ITGAM: variants seen among roughly 807,000 people sequenced by gnomAD.
ITGAM encodes the protein integrin subunit alpha M.
In ITGAM, 79 loss-of-function variants were observed where a neutral mutation model predicts 137.5. The observed-to-expected ratio is 0.57, with a 90% CI of 0.48 to 0.69. ITGAM has a LOEUF of 0.69. ITGAM is among the 30% of genes least tolerant of loss of function. The pLI is 0.00. For missense variants in ITGAM, 1,343 were observed against 1,483.5 expected, an observed-to-expected ratio of 0.91 and a Z score of 1.56; for synonymous variants, 583 against 592.3, an observed-to-expected ratio of 0.98 and a Z score of 0.23.
chr16:31,321,455 TC>T lies in ITGAM; in HGVS notation c.1839-6del, dbSNP rs1377167880. 6.2e-7 allele frequency: 1 copy of T among 1,613,870 alleles called. No individual in the cohort carries two copies. The highest frequency in any genetic ancestry group is 8.5e-7 in the Non-Finnish European group (1 of 1,179,842). ...GAAGGTCCCTGATGGTTTTCTGGTGTCCCTTTAGGTCCCAGCCAGTACTGAG... is the reference window on the plus strand; with the variant it reads ...GAAGGTCCCTGATGGTTTTCTGGTGTCCTTTAGGTCCCAGCCAGTACTGAG... On this transcript the variant is annotated splice_polypyrimidine_tract_variant and splice_region_variant and intron_variant, in intron 15 of 29. Coordinates refer to ENST00000544665, the MANE Select transcript of ITGAM (RefSeq NM_000632.4).
intron 12 of ITGAM, among the ~76,000 whole-genome samples, chr16:31,287,806 C>A (rs2080044495): frequency 6.6e-6 from 1 of 151,610 alleles, no homozygotes; most frequent in African/African-American, 2.4e-5. Context: ...GGTGTCAATG[C>A]CTGACATGTA....
In ITGAM at chr16:31,331,730, CCT is replaced by C; in HGVS notation, c.*27_*28del. The C allele has an allele frequency of 1.3e-6, 2 of 1,565,624 alleles. No individual in the cohort carries two copies. Among genetic ancestry groups the C allele is most frequent in the Non-Finnish European group, 1.7e-6 (2 of 1,152,888 alleles). ...TAGCGGCTCCTTCCCGACAGAGCTG[CCT>C]CTCGGTGGCCAGCAGGACTCTGCCC... On this transcript the variant is annotated 3_prime_UTR_variant, in exon 30 of 30. Transcript: ENST00000544665.
At chr16:31,275,484 A>G in intron 8 of ITGAM, 65 bp from the exon 9 acceptor site, 1 of 1,517,888 alleles carries the variant, frequency 6.6e-7, no homozygotes, top group Non-Finnish European at 9.1e-7. Flanking sequence ...TTCCTGCAGA[A>G]TTGTCTTTGC....
At chr16:31,288,674 T>A (rs2080054209) in intron 12 of ITGAM, among the ~76,000 whole-genome samples, 1 of 152,148 alleles carries the variant, frequency 6.6e-6, no homozygotes, top group Non-Finnish European at 1.5e-5. Context: ...AACCTAGGCA[T>A]TACCATTCAG....
In ITGAM at chr16:31,324,411, G is replaced by C. The variant is rs1192284721; in HGVS notation, c.2015G>C (p.Ser672Thr). ...CCTGTCCCTTCAGGACAGATCCAGAGTGTTGTGACTTATGACCTGGCTCTG... is the reference window on the plus strand; with the variant it reads ...CCTGTCCCTTCAGGACAGATCCAGACTGTTGTGACTTATGACCTGGCTCTG... ...RDRLREGQIQ[S>T]VVTYDLALDS... Residue 672 changes from serine (S) to threonine (T), a missense_variant, in exon 17 of 30, where the codon AGT becomes ACT. Ser to Thr is a moderately conservative substitution (Grantham distance 58, BLOSUM62 1). Transcript: ENST00000544665. This position sits in a 1 kb window ranked among gnomAD's most constrained non-coding sequence, Gnocchi z 4.5. The C allele has an allele frequency of 1.9e-6, 3 of 1,552,132 alleles. No homozygotes were observed. The highest frequency in any genetic ancestry group is 2.6e-6 in the Non-Finnish European group (3 of 1,147,258).
chr16:31,328,071 G>A (rs1456558964), intron 22 of ITGAM, 76 bp from the exon 23 acceptor site: 14 of 1,094,684 alleles, frequency 1.3e-5, no homozygotes, highest in Non-Finnish European at 2.0e-5. Flanking sequence ...TTGGAGGCAG[G>A]GAGTGAGGGA....
intron 29 of ITGAM, 165 bp downstream of exon 29, chr16:31,331,440 G>A (rs930099461): frequency 6.0e-6 from 4 of 670,004 alleles, no homozygotes; most frequent in African/African-American, 1.8e-5. Context: ...GTTCATGCGC[G>A]GGGCGCGCTG....
chr16:31,325,049 C>T lies in ITGAM; in HGVS notation c.2363+18C>T, dbSNP rs756056321. 2 of 1,600,926 alleles carry T rather than the reference C, an allele frequency of 1.2e-6. No individual in the cohort carries two copies. The highest frequency in any genetic ancestry group is 1.1e-5 in the South Asian group (1 of 90,084). On this transcript the variant is annotated intron_variant, in intron 19 of 29. Coordinates refer to ENST00000544665, the MANE Select transcript of ITGAM (RefSeq NM_000632.4). ...TTCATGAGGTGAGTTTCCTTTCCTCCTCACCTCCTCCAGAGAAGGACCCGT... is the reference window on the plus strand; with the variant it reads ...TTCATGAGGTGAGTTTCCTTTCCTCTTCACCTCCTCCAGAGAAGGACCCGT...
chr16:31,271,353 T>C (rs1373142746), intron 6 of ITGAM, among the ~76,000 whole-genome samples: 1 of 152,164 alleles, frequency 6.6e-6, no homozygotes, highest in African/African-American at 2.4e-5. Context: ...TATTTTCATT[T>C]TTATTTCTTA....
intron 12 of ITGAM, among the ~76,000 whole-genome samples, chr16:31,280,385 A>C (rs541444479): frequency 1.3e-5 from 2 of 152,108 alleles, no homozygotes; most frequent in Admixed American, 6.6e-5. Context: ...AATGTTCTTC[A>C]ATTTGTTTGT....
intron 22 of ITGAM, 52 bp downstream of exon 22, chr16:31,326,987 CCCCTGGCCCATGGTGGGCCTTTG>C (rs1418058588): frequency 1.7e-5 from 23 of 1,365,996 alleles, no homozygotes; most frequent in Non-Finnish European, 1.0e-6. Context: ...GACGCCCCAG[CCCCTGGCCCATGGTGGGCCTTTG>C]CCCTTTGCCC....
At chr16:31,298,517 G>A (rs1052012983) in intron 14 of ITGAM, among the ~76,000 whole-genome samples, 1 of 152,190 alleles carries the variant, frequency 6.6e-6, no homozygotes, top group Non-Finnish European at 1.5e-5. Flanking sequence ...GTAGATCAAG[G>A]CCCAGCGATG....
At chr16:31,325,456 G>GGCCGGAGGTGGATATCACC (rs1567280659) in intron 20 of ITGAM, 44 bp from the exon 21 acceptor site, 1 of 1,613,008 alleles carries the variant, frequency 6.2e-7, no homozygotes, top group South Asian at 1.1e-5. Flanking sequence ...CCATCCTCAC[G>GGCCGGAGGTGGATATCACC]GCCGGAGGTG....
At chr16:31,302,495 C>CT (rs2080216961) in intron 14 of ITGAM, among the ~76,000 whole-genome samples, 7 of 55,222 alleles carry the variant, frequency 1.3e-4, no homozygotes, top group African/African-American at 5.5e-4. Flanking sequence ...TTTTTCTTTC[C>CT]TTCTTTCTTT....
intron 29 of ITGAM, 46 bp downstream of exon 29, chr16:31,331,321 C>A: frequency 1.8e-6 from 2 of 1,101,212 alleles, no homozygotes; most frequent in Non-Finnish European, 2.8e-6. Context: ...CCTCTCGGGC[C>A]TCGCGCTGCA....
intron 12 of ITGAM, among the ~76,000 whole-genome samples, chr16:31,287,187 T>C (rs898743134): frequency 6.6e-6 from 1 of 152,100 alleles, no homozygotes; most frequent in Non-Finnish European, 1.5e-5. Context: ...GATCAGGTGG[T>C]TATAGGTGGG....
chr16:31,275,545 A>G lies in ITGAM; in HGVS notation c.859-4A>G, dbSNP rs754460463. On this transcript the variant is annotated splice_region_variant and splice_polypyrimidine_tract_variant and intron_variant, in intron 8 of 29. Transcript: ENST00000544665. The stretch of plus-strand genomic sequence containing the variant: ...ATGATTTAGCCTCTGTTCCTTGGTA[A>G]CAGGTGGGAGATGCCTTCCGCAGTG... 2 of 1,613,768 alleles carry G rather than the reference A, an allele frequency of 1.2e-6. No homozygotes were observed. The highest frequency in any genetic ancestry group is 2.2e-5 in the East Asian group (1 of 44,880).
At chr16:31,319,515 T>C (rs1472088467) in intron 14 of ITGAM, among the ~76,000 whole-genome samples, 1 of 152,220 alleles carries the variant, frequency 6.6e-6, no homozygotes, top group Non-Finnish European at 1.5e-5. Flanking sequence ...TTTAATGGAA[T>C]AGCATTTTCT....
At chr16:31,289,848 G>A (rs888916137) in intron 12 of ITGAM, among the ~76,000 whole-genome samples, 26 of 152,122 alleles carry the variant, frequency 1.7e-4, no homozygotes, top group Admixed American at 3.9e-4. Context: ...TTGGGAGGCC[G>A]AGGCAGGTGG....
Sources: gnomAD v4.1 joint callset for allele counts (sites outside exome capture counted in the v4.1 genomes callset) on GRCh38, gnomAD v4.1.1 for gene constraint, Gnocchi (gnomAD v3.1) non-coding constraint, MANE v1.5 for transcripts, NCBI Gene and HGNC (gene_info 2026-07-23, HGNC 2026-07-21) for gene names.